The following TIAM1 variants were observed in gnomAD, a reference collection of about 807,000 sequenced individuals.
The protein encoded by TIAM1 is rho guanine nucleotide exchange factor TIAM1.
TIAM1 carries 65 observed loss-of-function variants against 163.5 expected under a neutral mutation model. The observed-to-expected ratio is 0.40, with a 90% CI of 0.33 to 0.49. The LOEUF is 0.49. Ranked by LOEUF, TIAM1 falls within the 20% of genes least tolerant of loss-of-function variation. The pLI is 0.77. For missense variants in TIAM1, 1,789 were observed against 2,044.7 expected (o/e 0.87, Z 2.41); for synonymous variants, 833 against 810.1 (o/e 1.03, Z -0.48).
chr21:31,508,921 A>T (rs2047120955), intron 1 of TIAM1, among the ~76,000 whole-genome samples: 1 of 152,150 alleles, frequency 6.6e-6, no homozygotes, highest in Non-Finnish European at 1.5e-5. Flanking sequence ...GCTGCAGGAC[A>T]TTTAGCAAAC....
chr21:31,308,205 C>T (rs913794178), intron 2 of TIAM1, among the ~76,000 whole-genome samples: 6 of 151,986 alleles, frequency 3.9e-5, no homozygotes, highest in Admixed American at 6.6e-5. Context: ...GAGCTAAGAT[C>T]GCGCCACTGC....
chr21:31,217,802 A>G, intron 8 of TIAM1, 103 bp from the exon 9 acceptor site: 4 of 1,432,008 alleles, frequency 2.8e-6, no homozygotes, highest in Non-Finnish European at 3.8e-6. Context: ...ACCCTCCTCC[A>G]TCATGCCAGC....
At chr21:31,168,454 G>A (rs1017616254) in intron 15 of TIAM1, among the ~76,000 whole-genome samples, 4 of 152,024 alleles carry the variant, frequency 2.6e-5, no homozygotes, top group Admixed American at 2.6e-4. Flanking sequence ...AGGCTGGAGT[G>A]CAGTGGCGCA....
Position 31,154,165 on chromosome 21 carries a change from C to G in TIAM1, c.3171+82G>C, listed in dbSNP as rs13050045. 8,819 of 1,438,854 alleles carry G rather than the reference C, an allele frequency of 6.1e-3. 32 individuals carry two copies. The highest frequency in any genetic ancestry group is 7.5e-3 in the Non-Finnish European group (7,893 of 1,058,458). 89.1% of individuals were successfully genotyped at this position (1,438,854 alleles called of 1,614,324 possible). ...TCTTCATGAACACAGTTTAAATCAG[C>G]TGTTAATGAAAACCAGCAGACACAC... On this transcript the variant is annotated intron_variant, in intron 17 of 27. Transcript: ENST00000541036.
intron 2 of TIAM1, among the ~76,000 whole-genome samples, chr21:31,415,596 C>T (rs188011372): frequency 5.8e-4 from 88 of 152,262 alleles, no homozygotes; most frequent in African/African-American, 1.8e-3. Flanking sequence ...TTTTCTCTGT[C>T]GCCACAATTT....
intron 3 of TIAM1, among the ~76,000 whole-genome samples, chr21:31,270,957 G>C (rs2073030865): frequency 6.6e-6 from 1 of 152,080 alleles, no homozygotes; most frequent in Non-Finnish European, 1.5e-5. Flanking sequence ...AATGTCCCCT[G>C]GTCAAGGAGG....
intron 11 of TIAM1, among the ~76,000 whole-genome samples, chr21:31,209,330 C>G (rs980846009): frequency 6.6e-6 from 1 of 152,238 alleles, no homozygotes; most frequent in Non-Finnish European, 1.5e-5. Context: ...TCTTTCCTCT[C>G]TCTCCCCTCA....
intron 2 of TIAM1, among the ~76,000 whole-genome samples, chr21:31,412,962 T>C (rs1461413797): frequency 6.6e-6 from 1 of 152,088 alleles, no homozygotes; most frequent in African/African-American, 2.4e-5. Context: ...GCCTGGTTCC[T>C]AACAGACCAT....
At chr21:31,167,323 T>G (rs1352993406) in intron 15 of TIAM1, among the ~76,000 whole-genome samples, 2 of 152,076 alleles carry the variant, frequency 1.3e-5, no homozygotes, top group African/African-American at 4.8e-5. Flanking sequence ...AACTCCTGAA[T>G]GCGCCCACCT....
chr21:31,509,167 A>G (rs1410297224), intron 1 of TIAM1, among the ~76,000 whole-genome samples: 2 of 152,190 alleles, frequency 1.3e-5, no homozygotes, highest in African/African-American at 4.8e-5. Flanking sequence ...ACCCTGCACA[A>G]CGGTTCTTCA....
At chr21:31,478,072 G>A (rs2045992205) in intron 1 of TIAM1, among the ~76,000 whole-genome samples, 1 of 152,198 alleles carries the variant, frequency 6.6e-6, no homozygotes, top group Admixed American at 6.5e-5. Context: ...AAAATTATGA[G>A]GTGAAGGGAG....
chr21:31,492,822 C>T (rs2046515640), intron 1 of TIAM1, among the ~76,000 whole-genome samples: 1 of 137,948 alleles, frequency 7.2e-6, no homozygotes, highest in South Asian at 2.3e-4. Flanking sequence ...CACACACACA[C>T]ACGTTAAGTG....
At chr21:31,522,567 A>G (rs898562761) in intron 1 of TIAM1, among the ~76,000 whole-genome samples, 3 of 152,044 alleles carry the variant, frequency 2.0e-5, no homozygotes, top group African/African-American at 7.2e-5. Context: ...TGTCCCCACC[A>G]TGAAACTATT....
chr21:31,428,540 T>C (rs2043880983), intron 2 of TIAM1, among the ~76,000 whole-genome samples: 1 of 152,072 alleles, frequency 6.6e-6, no homozygotes, highest in Admixed American at 6.6e-5. Context: ...TACACACAAC[T>C]CTTCCCTTTA....
At chr21:31,496,931 C>A (rs945682611) in intron 1 of TIAM1, among the ~76,000 whole-genome samples, 4 of 152,174 alleles carry the variant, frequency 2.6e-5, no homozygotes, top group South Asian at 2.1e-4. Context: ...TAGTTAGATT[C>A]TCATAAGGAG....
chr21:31,479,511 G>A (rs1053233118), intron 1 of TIAM1, among the ~76,000 whole-genome samples: 5 of 152,024 alleles, frequency 3.3e-5, no homozygotes, highest in African/African-American at 1.2e-4. Flanking sequence ...TGCTGGAGTG[G>A]GATTGTATAG....
intron 2 of TIAM1, among the ~76,000 whole-genome samples, chr21:31,378,490 A>G (rs2076726595): frequency 6.6e-6 from 1 of 152,206 alleles, no homozygotes; most frequent in Admixed American, 6.5e-5. Flanking sequence ...AGTCTGTCCT[A>G]CCAGTGTGAT....
rs998434869 is a variant in TIAM1, at chr21:31,475,784, G to C, written c.-421-11749C>G. On this transcript the variant is annotated intron_variant, in intron 1 of 28. Coordinates refer to the TIAM1 transcript ENST00000286827. Reference sequence around the variant, plus strand: ...GGAAACGCAGAGAAAACAGCGAAACGATCTTGGCCTGGAGTTCTCCTGAGC... The same window carrying C: ...GGAAACGCAGAGAAAACAGCGAAACCATCTTGGCCTGGAGTTCTCCTGAGC... Among the ~76,000 whole-genome samples, 26 of 152,210 alleles carry C rather than the reference G, an allele frequency of 1.7e-4. 1 individual carries two copies. The highest frequency in any genetic ancestry group is 6.0e-4 in the African/African-American group (25 of 41,442).
At chr21:31,322,949 A>C (rs13050344) in intron 2 of TIAM1, among the ~76,000 whole-genome samples, 1 of 152,052 alleles carries the variant, frequency 6.6e-6, no homozygotes, top group Non-Finnish European at 1.5e-5. Flanking sequence ...GGTGGAGTCC[A>C]TGGTAGAACG....
Sources: gnomAD v4.1 joint callset for allele counts (sites outside exome capture counted in the v4.1 genomes callset) on GRCh38, gnomAD v4.1.1 for gene constraint, MANE v1.5 for transcripts, NCBI Gene and HGNC (gene_info 2026-07-23, HGNC 2026-07-21) for gene names.